Variants in MTERF4 observed in about 807,000 individuals in gnomAD.
MTERF4 encodes the protein mitochondrial transcription termination factor 4, also known as transcription termination factor 4, mitochondrial.
MTERF4 carries 17 observed loss-of-function variants against 22.5 expected under a neutral mutation model. That is an observed-to-expected ratio of 0.75 (90% CI 0.52 to 1.13). The LOEUF is 1.13. MTERF4 is among the 50% of genes most tolerant of loss of function. The pLI is 0.00. For missense variants in MTERF4, 420 were observed against 466.8 expected, an observed-to-expected ratio of 0.90 and a Z score of 0.92; for synonymous variants, 165 against 175.3, an observed-to-expected ratio of 0.94 and a Z score of 0.47.
intron 4 of MTERF4, among the ~76,000 whole-genome samples, chr2:241,080,448 G>A (rs1227699126): frequency 6.6e-6 from 1 of 152,180 alleles, no homozygotes; most frequent in Non-Finnish European, 1.5e-5. Flanking sequence ...AGCGGTGTGA[G>A]TGCCAGGCTG....
chr2:241,053,357 G>T, the MTERF4 span: 195 of 1,535,702 alleles, frequency 1.3e-4, no homozygotes, highest in Non-Finnish European at 1.4e-4. Context: ...GGTGGGGCAG[G>T]TGGGGCCCAC....
chr2:241,102,153 C>A, intron 1 of MTERF4, 100 bp downstream of exon 1: 6 of 1,519,372 alleles, frequency 3.9e-6, no homozygotes, highest in Non-Finnish European at 5.3e-6. Flanking sequence ...CGGGAGGGCT[C>A]CACGACCTGG....
At chr2:241,055,164 G>A in the MTERF4 span, among the ~76,000 whole-genome samples, 1 of 152,022 alleles carries the variant, frequency 6.6e-6, no homozygotes, top group East Asian at 1.9e-4. Flanking sequence ...TAGAAGGTGT[G>A]CTAAAGCTGA....
chr2:241,097,456 A>C (rs143469334), intron 2 of MTERF4, 29 bp from the exon 3 acceptor site: 1 of 1,599,124 alleles, frequency 6.3e-7, no homozygotes, highest in South Asian at 1.1e-5. Flanking sequence ...AGGCAAGCAT[A>C]TAATTTCAGG....
downstream of MTERF4, chr2:241,088,186 G>A (rs2063682249): frequency 1.7e-6 from 1 of 600,090 alleles, no homozygotes; most frequent in Admixed American, 2.9e-5. Context: ...AAGCCAGGCG[G>A]GCGCACACAA....
downstream of MTERF4, among the ~76,000 whole-genome samples, chr2:241,068,341 C>T (rs1244840055): frequency 2.6e-5 from 4 of 151,322 alleles, no homozygotes; most frequent in East Asian, 7.8e-4. This position sits in a 1 kb window ranked among gnomAD's most constrained non-coding sequence, Gnocchi z 5.3. Flanking sequence ...CAGAGAGCAG[C>T]GGCCAGCGAG....
At chr2:241,064,067 C>T in the MTERF4 span, 70 of 1,569,962 alleles carry the variant, frequency 4.5e-5, no homozygotes, top group Admixed American at 1.1e-4. This position sits in a 1 kb window ranked among gnomAD's most constrained non-coding sequence, Gnocchi z 7.0. Flanking sequence ...GTGAGAGCGG[C>T]GGCGGGGCCT....
the MTERF4 span, chr2:241,064,071 G>A: frequency 2.4e-5 from 38 of 1,569,946 alleles, no homozygotes; most frequent in Non-Finnish European, 3.1e-5. This position sits in a 1 kb window ranked among gnomAD's most constrained non-coding sequence, Gnocchi z 7.0. Context: ...GAGCGGCGGC[G>A]GGGCCTACCT....
the MTERF4 span, among the ~76,000 whole-genome samples, chr2:241,053,836 C>G: frequency 6.6e-6 from 1 of 152,250 alleles, no homozygotes; most frequent in Non-Finnish European, 1.5e-5. Context: ...AAGGCTCCCT[C>G]TGACCGAAGC....
chr2:241,088,748 G>A (rs2063716903), downstream of MTERF4: 3 of 304,968 alleles, frequency 9.8e-6, no homozygotes, highest in Admixed American at 9.7e-5. Context: ...CCTTGGAGAG[G>A]CTGGAAGACC....
the MTERF4 span, among the ~76,000 whole-genome samples, chr2:241,046,954 C>T: frequency 6.6e-6 from 1 of 152,082 alleles, no homozygotes; most frequent in African/African-American, 2.4e-5. Flanking sequence ...ACCATCCTGG[C>T]CAACAGAGTG....
chr2:241,090,712 C>G (rs991196446), downstream of MTERF4, among the ~76,000 whole-genome samples: 3 of 152,012 alleles, frequency 2.0e-5, no homozygotes, highest in African/African-American at 7.2e-5. Flanking sequence ...ACTAAAAATA[C>G]AAAAATTAGT....
Position 241,099,583 on chromosome 2 carries a change from T to C in MTERF4, c.333A>G (p.Glu111=). 1 of 1,614,154 alleles carries C rather than the reference T, an allele frequency of 6.2e-7. No individual in the cohort carries two copies. Among genetic ancestry groups the C allele is most frequent in the Non-Finnish European group, 8.5e-7 (1 of 1,180,032 alleles). ...DMGFSNAHIN[E]LLSVRRGASL... is the part of the protein sequence containing the mutation. Reference sequence around the variant, plus strand: ...TGGCACCTCGCCGTACACTGAGCAATTCATTAATATGGGCATTGCTGAAAC... The same window carrying C: ...TGGCACCTCGCCGTACACTGAGCAACTCATTAATATGGGCATTGCTGAAAC... Residue 111 remains glutamate, a synonymous_variant, in exon 2 of 4, where the codon GAA becomes GAG. Transcript: ENST00000391980.
At chr2:241,072,430 G>A (rs1188196755) in exon 5 of MTERF4, 4 of 359,276 alleles carry the variant, frequency 1.1e-5, no homozygotes, top group South Asian at 8.3e-5. Flanking sequence ...AGACATGTTG[G>A]CAGGAGTGAG....
chr2:241,071,335 G>A, downstream of MTERF4: 1 of 589,126 alleles, frequency 1.7e-6, no homozygotes, highest in Admixed American at 2.9e-5. Flanking sequence ...CCAGGCCAGT[G>A]CACGCCTGTG....
At chr2:241,046,742 A>G in the MTERF4 span, among the ~76,000 whole-genome samples, 15 of 152,232 alleles carry the variant, frequency 9.9e-5, no homozygotes, top group African/African-American at 3.6e-4. Context: ...AAACAAATCT[A>G]TATATGTGTT....
the MTERF4 span, among the ~76,000 whole-genome samples, chr2:241,058,458 A>G: frequency 6.6e-6 from 1 of 152,202 alleles, no homozygotes; most frequent in Non-Finnish European, 1.5e-5. Flanking sequence ...TTAATGAAGT[A>G]GAGATCCAAG....
At chr2:241,095,250 GCA>G (rs2064341906), downstream of MTERF4, 1 of 152,616 alleles carries the variant, frequency 6.6e-6, no homozygotes, top group South Asian at 2.1e-4. Context: ...CTCCAGGCCA[GCA>G]CAGTCTGGCA....
downstream of MTERF4, chr2:241,092,254 G>A (rs889509741): frequency 6.6e-6 from 1 of 152,232 alleles, no homozygotes; most frequent in African/African-American, 2.4e-5. The surrounding 1 kb of genome is among the most constrained non-coding windows in gnomAD (Gnocchi z 4.6). Flanking sequence ...CTAAGGTGGA[G>A]TTCAGACTTT....
Sources: gnomAD v4.1 joint callset for allele counts (sites outside exome capture counted in the v4.1 genomes callset) on GRCh38, gnomAD v4.1.1 for gene constraint, Gnocchi (gnomAD v3.1) non-coding constraint, MANE v1.5 for transcripts, NCBI Gene and HGNC (gene_info 2026-07-23, HGNC 2026-07-21) for gene names.